GLRB: variants seen among roughly 807,000 people sequenced by gnomAD.
The protein encoded by GLRB is glycine receptor beta.
Under a neutral mutation model 54.2 loss-of-function variants are expected in GLRB, and 33 were observed. The ratio of observed to expected loss-of-function variants is 0.61; its 90% CI spans 0.46 to 0.81. The LOEUF is 0.81. Ranked by LOEUF, GLRB falls within the 40% of genes least tolerant of loss-of-function variation. The pLI is 0.00. For synonymous variants in GLRB, 209 were observed against 208.2 expected, an observed-to-expected ratio of 1.00 and a Z score of -0.03; for missense variants, 572 against 584.6, an observed-to-expected ratio of 0.98 and a Z score of 0.22.
chr4:157,163,520 C>G (rs1737593623), intron 9 of GLRB, among the ~76,000 whole-genome samples: 1 of 152,114 alleles, frequency 6.6e-6, no homozygotes, highest in Non-Finnish European at 1.5e-5. Context: ...GCTGGCATGT[C>G]CGTTGGGGTG....
intron 2 of GLRB, among the ~76,000 whole-genome samples, chr4:157,090,799 A>G (rs759586236): frequency 3.3e-5 from 5 of 152,222 alleles, no homozygotes; most frequent in African/African-American, 7.2e-5. Flanking sequence ...AAAAAATCAT[A>G]TCTATCTAAT....
At chr4:157,088,103 T>C (rs770472434) in intron 2 of GLRB, among the ~76,000 whole-genome samples, 36 of 152,296 alleles carry the variant, frequency 2.4e-4, no homozygotes, top group Admixed American at 5.9e-4. Flanking sequence ...AAATTGCTAA[T>C]AAAATATGTT....
intron 2 of GLRB, among the ~76,000 whole-genome samples, chr4:157,082,349 G>A (rs1279021527): frequency 6.6e-6 from 1 of 152,072 alleles, no homozygotes; most frequent in Admixed American, 6.6e-5. Context: ...ATTATCTATT[G>A]TAATTGTCTG....
chr4:157,095,430 G>C lies in GLRB; in HGVS notation c.122+17284G>C, dbSNP rs539560069. On this transcript the variant is annotated intron_variant, in intron 2 of 9. Coordinates refer to ENST00000264428, the MANE Select transcript of GLRB (RefSeq NM_000824.5). ...TGTGTTAAGTTTGAGGTATCCATTA[G>C]ACATCAGGAGAAAATATCCAATAAG... is the stretch of plus-strand genomic sequence containing the variant. Among the ~76,000 whole-genome samples, 3 of 152,202 alleles carry C rather than the reference G, an allele frequency of 2.0e-5. No homozygotes were observed. In the South Asian group the frequency reaches 6.2e-4, roughly 32 times the overall value.
At chr4:157,156,897 A>G (rs1737249176) in intron 9 of GLRB, among the ~76,000 whole-genome samples, 2 of 152,148 alleles carry the variant, frequency 1.3e-5, no homozygotes, top group Admixed American at 6.5e-5. Flanking sequence ...GAGACTCCAA[A>G]TCGTGTTTAA....
At chr4:157,165,956 A>C (rs906918507) in intron 9 of GLRB, among the ~76,000 whole-genome samples, 2 of 152,028 alleles carry the variant, frequency 1.3e-5, no homozygotes, top group Admixed American at 6.5e-5. Flanking sequence ...CTCTGAACAT[A>C]TTTTATTGTC....
At chr4:157,136,089 G>A (rs1736388790) in intron 4 of GLRB, among the ~76,000 whole-genome samples, 2 of 152,244 alleles carry the variant, frequency 1.3e-5, no homozygotes, top group East Asian at 3.9e-4. Context: ...TAAGATATGT[G>A]TATACTTGGA....
chr4:157,159,794 C>CT (rs1052735332), intron 9 of GLRB, among the ~76,000 whole-genome samples: 11 of 152,144 alleles, frequency 7.2e-5, no homozygotes, highest in Middle Eastern at 3.4e-3. Context: ...CTAAAATTCT[C>CT]TTTTTTTGTT....
chr4:157,103,106 C>T (rs970226168), intron 2 of GLRB, among the ~76,000 whole-genome samples: 4 of 150,512 alleles, frequency 2.7e-5, no homozygotes, highest in African/African-American at 9.8e-5. Flanking sequence ...GCTGAGATCA[C>T]GCCACTGCAC....
Position 157,122,330 on chromosome 4 carries a change from G to A in GLRB, c.230G>A (p.Gly77Asp). 1 of 1,211,656 alleles carries A rather than the reference G, an allele frequency of 8.3e-7. No homozygotes were observed. The highest frequency in any genetic ancestry group is 1.2e-6 in the Non-Finnish European group (1 of 829,846). 75.1% of individuals were successfully genotyped at this position (1,211,656 alleles called of 1,614,324 possible). ...ATATATTCTTAATTTTTATTCATAGGCATTCCTGTTGATGTAGTAGTCAAC... is the reference window on the plus strand; with the variant it reads ...ATATATTCTTAATTTTTATTCATAGACATTCCTGTTGATGTAGTAGTCAAC... ...YDPRIRPNFKGIPVDVVVNIF... is the reference protein window; with the variant it reads ...YDPRIRPNFKDIPVDVVVNIF... Residue 77 changes from glycine to aspartate, a missense_variant and splice_region_variant, in exon 4 of 10, where the codon GGC becomes GAC. By Grantham distance (94) the Gly-to-Asp change is moderately conservative. Transcript: ENST00000264428.
intron 2 of GLRB, among the ~76,000 whole-genome samples, chr4:157,103,333 AG>A (rs1343252761): frequency 1.3e-5 from 2 of 152,114 alleles, no homozygotes; most frequent in African/African-American, 4.8e-5. Flanking sequence ...CTTGTGGAAC[AG>A]GGGGTCAGTT....
Position 157,152,906 on chromosome 4 carries a change from G to T in GLRB, c.1093G>T (p.Ala365Ser). The T allele has an allele frequency of 1.2e-6, 2 of 1,614,068 alleles. No individual in the cohort carries two copies. The highest frequency in any genetic ancestry group is 2.2e-5 in the East Asian group (1 of 44,870). Reference sequence around the variant, plus strand: ...CCCCAAAAGGGTTGAAGCTGAAAAAGCCAGAATTGCTAAGGCTGAGCAAGC... The same window carrying T: ...CCCCAAAAGGGTTGAAGCTGAAAAATCCAGAATTGCTAAGGCTGAGCAAGC... The part of the protein sequence containing the change: ...NNPKRVEAEK[A>S]RIAKAEQADG... The change falls in exon 9 of 10, where the codon GCC (alanine) becomes TCC (serine). Residue 365 changes from alanine (A) to serine (S), a missense_variant. Ala to Ser is a moderately conservative substitution (Grantham distance 99). Transcript: ENST00000264428.
At chr4:157,091,497 C>T (rs1471227010) in intron 2 of GLRB, 1 of 152,146 alleles carries the variant, frequency 6.6e-6, no homozygotes, top group Non-Finnish European at 1.5e-5. Context: ...AAGTAAATAA[C>T]ATTTTATTAT....
intron 9 of GLRB, among the ~76,000 whole-genome samples, chr4:157,156,822 T>C (rs908687983): frequency 6.6e-6 from 1 of 152,248 alleles, no homozygotes; most frequent in Non-Finnish European, 1.5e-5. Flanking sequence ...GTTTGAGATC[T>C]TTCCCAGTTT....
chr4:157,098,546 A>G (rs986435729), intron 2 of GLRB, among the ~76,000 whole-genome samples: 1 of 152,126 alleles, frequency 6.6e-6, no homozygotes, highest in African/African-American at 2.4e-5. Context: ...AGGGGCCATT[A>G]AGGAGAGTTA....
chr4:157,145,473 C>T (rs1736773091), intron 8 of GLRB, among the ~76,000 whole-genome samples: 1 of 152,158 alleles, frequency 6.6e-6, no homozygotes, highest in Non-Finnish European at 1.5e-5. Flanking sequence ...TAATAATGAG[C>T]TACATTTTTA....
intron 2 of GLRB, among the ~76,000 whole-genome samples, chr4:157,094,884 A>G (rs1201602052): frequency 7.2e-6 from 1 of 138,812 alleles, no homozygotes; most frequent in Non-Finnish European, 1.6e-5. Flanking sequence ...AAATGTGTAC[A>G]TGTTTACCAA....
At chr4:157,119,600 A>AAT (rs1735728590) in intron 2 of GLRB, among the ~76,000 whole-genome samples, 1 of 151,622 alleles carries the variant, frequency 6.6e-6, no homozygotes, top group South Asian at 2.1e-4. Context: ...TAATTGTTAA[A>AAT]ATATATATAT....
chr4:157,110,091 A>C (rs1735363277), intron 2 of GLRB, among the ~76,000 whole-genome samples: 1 of 151,896 alleles, frequency 6.6e-6, no homozygotes, highest in African/African-American at 2.4e-5. Flanking sequence ...GGTGGGAATA[A>C]GGCTGAAAGT....
Sources: gnomAD v4.1 joint callset for allele counts (sites outside exome capture counted in the v4.1 genomes callset) on GRCh38, gnomAD v4.1.1 for gene constraint, MANE v1.5 for transcripts, NCBI Gene and HGNC (gene_info 2026-07-23, HGNC 2026-07-21) for gene names.